Variants in PPT1 observed in about 807,000 individuals in gnomAD.
PPT1 encodes palmitoyl-protein thioesterase 1, also known as ceroid-palmitoyl-palmitoyl-protein thioesterase 1.
PPT1 carries 24 observed loss-of-function variants against 44.0 expected under a neutral mutation model. The observed-to-expected ratio is 0.54, with a 90% confidence interval of 0.39 to 0.77. PPT1 has a LOEUF of 0.77. Among genes scored for constraint, PPT1 ranks in the 30% least tolerant of loss-of-function variants. PPT1 has a pLI of 0.00. For missense variants in PPT1, 341 were observed against 378.8 expected (o/e 0.90, Z 0.83); for synonymous variants, 148 against 140.2 (o/e 1.06, Z -0.39).
At chr1:40,095,695 A>G (rs1015582494) in intron 1 of PPT1, among the ~76,000 whole-genome samples, 2 of 152,102 alleles carry the variant, frequency 1.3e-5, no homozygotes, top group Admixed American at 6.6e-5. Flanking sequence ...AAATCTATCC[A>G]AACTTTGACC....
At chr1:40,076,332 GCA>G (rs1648627501) in intron 8 of PPT1, among the ~76,000 whole-genome samples, 1 of 152,064 alleles carries the variant, frequency 6.6e-6, no homozygotes, top group Non-Finnish European at 1.5e-5. Flanking sequence ...AGGTGTGATG[GCA>G]CACACCTGTA....
chr1:40,092,925 T>C (rs1318517169), intron 1 of PPT1, among the ~76,000 whole-genome samples: 1 of 152,168 alleles, frequency 6.6e-6, no homozygotes, highest in Non-Finnish European at 1.5e-5. Flanking sequence ...ACATTGCTGG[T>C]GGGAATGTAA....
At chr1:40,074,330 A>G (rs1329346225) in intron 8 of PPT1, 147 bp from the exon 9 acceptor site, 19 of 941,210 alleles carry the variant, frequency 2.0e-5, no homozygotes, top group Admixed American at 1.9e-4. Context: ...GCCAAAAAGA[A>G]TATCTCCTAC....
intron 5 of PPT1, among the ~76,000 whole-genome samples, chr1:40,083,320 C>T (rs752234788): frequency 1.5e-4 from 23 of 152,154 alleles, no homozygotes; most frequent in Admixed American, 7.2e-4. Context: ...CCGAGCATGG[C>T]GGTGCATGCC....
chr1:40,082,930 CTT>C (rs1649048605), intron 5 of PPT1, among the ~76,000 whole-genome samples: 1 of 152,196 alleles, frequency 6.6e-6, no homozygotes, highest in South Asian at 2.1e-4. Context: ...GGCTGACTCT[CTT>C]GTGAGTGCCT....
In PPT1 at chr1:40,092,407, G is replaced by A. The variant is rs1477732757; in HGVS notation, c.225C>T (p.Thr75=). 1 of 1,607,924 alleles carries A rather than the reference G, an allele frequency of 6.2e-7. No homozygotes were observed. Among genetic ancestry groups the A allele is most frequent in the Admixed American group, 1.7e-5 (1 of 59,992 alleles). Residue 75 remains threonine, a synonymous_variant, in exon 2 of 9, where the codon ACC becomes ACT. Coordinates refer to ENST00000642050, the MANE Select transcript of PPT1 (RefSeq NM_000310.4). Reference sequence around the variant, plus strand: ...CTGTGAAGCGCCTTACCTCCATCAGGGTCTTCCCAATCTCTAAAGATAAGA... The same window carrying A: ...CTGTGAAGCGCCTTACCTCCATCAGAGTCTTCCCAATCTCTAAAGATAAGA... The part of the protein sequence containing the change: ...IYVLSLEIGK[T]LMEDVENSFF...
At chr1:40,078,897 AGG>A (rs200665701) in intron 6 of PPT1, 5,340 of 487,126 alleles carry the variant, frequency 0.011, 295 homozygotes, top group Admixed American at 0.1. Flanking sequence ...TTTTGTTATA[AGG>A]GTATATTGTG....
chr1:40,087,577 G>A (rs1051912558), intron 5 of PPT1, among the ~76,000 whole-genome samples: 5 of 151,946 alleles, frequency 3.3e-5, no homozygotes, highest in African/African-American at 9.7e-5. Flanking sequence ...GTCACCCCCC[G>A]ACGGACTGCT....
intron 7 of PPT1, among the ~76,000 whole-genome samples, 178 bp from the exon 8 acceptor site, chr1:40,077,091 G>A (rs1648669535): frequency 6.6e-6 from 1 of 152,240 alleles, no homozygotes; most frequent in Non-Finnish European, 1.5e-5. Context: ...GGAGCCCGAG[G>A]GATGAGTTAA....
chr1:40,079,428 G>A (rs1424999539), intron 6 of PPT1, among the ~76,000 whole-genome samples: 1 of 113,302 alleles, frequency 8.8e-6, no homozygotes, highest in Non-Finnish European at 1.6e-5. Context: ...ATGGAGTCTC[G>A]CTCTGTCACC....
In PPT1 at chr1:40,093,865, C is replaced by G. The variant is rs143862540; in HGVS notation, c.125-1358G>C. 3.6e-3 allele frequency: 1,899 copies of G among 520,516 alleles called. 26 individuals are homozygous for G. In the African/African-American group the frequency reaches 0.039, roughly 11 times the overall value. The allele number at this position is 520,516 out of a possible 1,614,324, so 32.2% of individuals were successfully genotyped here. A position where few individuals can be genotyped will look rare whatever the true frequency, so the allele number is the denominator to read the frequency against. ...TGCCACTGCACTCCAGCCTGGGCAA[C>G]AGAACAAGGCTCCATCTCAAAAAAA... On this transcript the variant is annotated intron_variant, in intron 1 of 8. Transcript: ENST00000642050.
chr1:40,084,126 A>C (rs79475234), intron 5 of PPT1, among the ~76,000 whole-genome samples: 4,316 of 152,326 alleles, frequency 0.028, 86 homozygotes, highest in Non-Finnish European at 0.046. Flanking sequence ...ATTTAAAAGA[A>C]GTTGATTCCA....
At chr1:40,086,685 C>T (rs1222609025) in intron 5 of PPT1, among the ~76,000 whole-genome samples, 2 of 152,040 alleles carry the variant, frequency 1.3e-5, no homozygotes, top group East Asian at 1.9e-4. Flanking sequence ...CAGACTGAGA[C>T]AATCTCCTAA....
Position 40,074,351 on chromosome 1 carries a change from TTC to T in PPT1, c.799-170_799-169del, listed in dbSNP as rs528214913. Among the ~76,000 whole-genome samples the T allele has an allele frequency of 2.8e-3, 426 of 152,248 alleles. 1 individual carries two copies. Among genetic ancestry groups the T allele is most frequent in the South Asian group, 0.015 (71 of 4,820 alleles). Reference sequence around the variant, plus strand: ...AAGAATATCTCCTACTTCTTTTTCTTTCTCTTTTTTCTTTTTCTTTCTTTCTC... The same window carrying T: ...AAGAATATCTCCTACTTCTTTTTCTTTCTTTTTTCTTTTTCTTTCTTTCTC... On this transcript the variant is annotated intron_variant, in intron 8 of 8. Coordinates refer to ENST00000642050, the MANE Select transcript of PPT1 (RefSeq NM_000310.4).
intron 8 of PPT1, among the ~76,000 whole-genome samples, chr1:40,075,559 A>G (rs1354954853): frequency 6.6e-6 from 1 of 152,072 alleles, no homozygotes; most frequent in Non-Finnish European, 1.5e-5. Context: ...TGCAAAAGAA[A>G]AGCCAAGCCA....
At chr1:40,071,778 A>C (rs1335801949), downstream of PPT1, 1 of 546,628 alleles carries the variant, frequency 1.8e-6, no homozygotes, top group East Asian at 2.9e-5. Flanking sequence ...CCGCCAGTCC[A>C]TTCTTAAGGA....
At chr1:40,076,546 A>C in intron 8 of PPT1, 7 of 914,868 alleles carry the variant, frequency 7.7e-6, no homozygotes, top group Middle Eastern at 5.6e-4. Context: ...CAAGGCAGCT[A>C]GTTTTAAAAC....
At chr1:40,093,798 C>T (rs1427036468) in intron 1 of PPT1, 3 of 484,984 alleles carry the variant, frequency 6.2e-6, no homozygotes, top group Non-Finnish European at 1.1e-5. Context: ...GCAGGAGAAT[C>T]GCTTGAAACT....
At chr1:40,080,945 C>T (rs982970390) in intron 5 of PPT1, among the ~76,000 whole-genome samples, 1 of 152,172 alleles carries the variant, frequency 6.6e-6, no homozygotes, top group African/African-American at 2.4e-5. Flanking sequence ...ACAAGACTTG[C>T]ACCTAGGAAA....
Sources: gnomAD v4.1 joint callset for allele counts (sites outside exome capture counted in the v4.1 genomes callset) on GRCh38, gnomAD v4.1.1 for gene constraint, MANE v1.5 for transcripts, NCBI Gene and HGNC (gene_info 2026-07-23, HGNC 2026-07-21) for gene names.